Variants in IGF1R observed in about 807,000 individuals in gnomAD.
The protein encoded by IGF1R is insulin like growth factor 1 receptor.
IGF1R carries 44 observed loss-of-function variants against 144.6 expected under a neutral mutation model. That is an observed-to-expected ratio of 0.30 (90% confidence interval 0.24 to 0.39). The LOEUF (loss-of-function observed/expected upper bound fraction) is 0.39, where lower values mean the gene tolerates loss of function less well. Among genes scored for constraint, IGF1R ranks in the 10% least tolerant of loss-of-function variants. The pLI is 1.00. For synonymous variants in IGF1R, 795 were observed against 722.8 expected (o/e 1.10, Z -1.60); for missense variants, 1,355 against 1,833.7 (o/e 0.74, Z 4.77).
intron 1 of IGF1R, among the ~76,000 whole-genome samples, chr15:98,680,885 T>C (rs1272997162): frequency 6.8e-6 from 1 of 146,000 alleles, no homozygotes; most frequent in African/African-American, 2.5e-5. Context: ...TTTTTATCCT[T>C]CTTACTATAT....
In IGF1R at chr15:98,847,789, T is replaced by C. The variant is rs570657452; in HGVS notation, c.641-43536T>C. On this transcript the variant is annotated intron_variant, in intron 2 of 20. Transcript: ENST00000650285. ...CATTTTCATTGCTATTTGAGTTTTTTAGGAGACATACTGAGATGAAGTTAG... is the reference window on the plus strand; with the variant it reads ...CATTTTCATTGCTATTTGAGTTTTTCAGGAGACATACTGAGATGAAGTTAG... Among the ~76,000 whole-genome samples the C allele has an allele frequency of 7.9e-5, 12 of 152,342 alleles. No homozygotes were observed. In the South Asian group the frequency reaches 1.9e-3, roughly 24 times the overall value.
chr15:98,710,044 A>G (rs1489576675), intron 2 of IGF1R, among the ~76,000 whole-genome samples: 3 of 152,174 alleles, frequency 2.0e-5, no homozygotes, highest in African/African-American at 7.2e-5. Flanking sequence ...CATATGTGGA[A>G]TGGGGTAAAG....
chr15:98,924,734 G>A lies in IGF1R; in HGVS notation c.2782+50G>A, dbSNP rs775547260. 14 of 1,550,258 alleles carry A rather than the reference G, an allele frequency of 9.0e-6. No individual in the cohort carries two copies. In the East Asian group the frequency reaches 1.8e-4, roughly 20 times the overall value. ...ACGTGGTAAAACTGAAAGCAGGGTG[G>A]TCCAGGATCAGGACAGCCCGAGTGT... is the stretch of plus-strand genomic sequence containing the variant. On this transcript the variant is annotated intron_variant, in intron 13 of 20. Transcript: ENST00000650285.
At chr15:98,703,929 A>G (rs1197409809) in intron 1 of IGF1R, among the ~76,000 whole-genome samples, 1 of 152,226 alleles carries the variant, frequency 6.6e-6, no homozygotes, top group African/African-American at 2.4e-5. Flanking sequence ...TCCAAAATCC[A>G]GAATGCTTCA....
Position 98,934,806 on chromosome 15 carries a change from T to C in IGF1R, c.2957-18T>C. ...GGGCTTGTTTCTGTACCTGCTTTAATTACGGTTTCTTCTCCAGTGTACGTT... is the reference window on the plus strand; with the variant it reads ...GGGCTTGTTTCTGTACCTGCTTTAACTACGGTTTCTTCTCCAGTGTACGTT... On this transcript the variant is annotated intron_variant, in intron 15 of 20. Coordinates refer to ENST00000650285, the MANE Select transcript of IGF1R (RefSeq NM_000875.5). 6.2e-7 allele frequency: 1 copy of C among 1,608,192 alleles called. No individual in the cohort carries two copies.
At chr15:98,923,143 G>A (rs903214196) in intron 11 of IGF1R, among the ~76,000 whole-genome samples, 12 of 152,238 alleles carry the variant, frequency 7.9e-5, no homozygotes, top group Non-Finnish European at 5.9e-5. Flanking sequence ...GAGAGACATA[G>A]CCAGCTAACC....
chr15:98,902,133 G>T (rs767473038), intron 5 of IGF1R, among the ~76,000 whole-genome samples: 1 of 152,018 alleles, frequency 6.6e-6, no homozygotes, highest in Non-Finnish European at 1.5e-5. Context: ...TGGGGGCAGG[G>T]GTGGAGTTGA....
At chr15:98,700,293 G>A (rs189547447) in intron 1 of IGF1R, among the ~76,000 whole-genome samples, 5 of 152,038 alleles carry the variant, frequency 3.3e-5, no homozygotes, top group African/African-American at 9.7e-5. Context: ...GCTTTGTTTC[G>A]TAGTTTCTTC....
At chr15:98,795,403 T>TTTTGTTTTGTTTTGTTTTGTTTTG in intron 2 of IGF1R, among the ~76,000 whole-genome samples, 1 of 151,480 alleles carries the variant, frequency 6.6e-6, no homozygotes, top group African/African-American at 2.4e-5. Context: ...TCTTTCTTGT[T>TTTTGTTTTGTTTTGTTTTGTTTTG]TTTTGTTTTG....
chr15:98,916,200 C>A, intron 9 of IGF1R, 69 bp downstream of exon 9: 1 of 1,455,748 alleles, frequency 6.9e-7, no homozygotes, highest in Non-Finnish European at 9.6e-7. Flanking sequence ...TGTGCCTGAG[C>A]CCTAATATTA....
At chr15:98,649,991 G>A (rs1486463269) in intron 1 of IGF1R, among the ~76,000 whole-genome samples, 1 of 151,880 alleles carries the variant, frequency 6.6e-6, no homozygotes, top group African/African-American at 2.4e-5. Flanking sequence ...TTGGTGCCGG[G>A]GCGGGCTCCG....
chr15:98,790,448 T>C (rs2056103570), intron 2 of IGF1R, among the ~76,000 whole-genome samples: 3 of 152,140 alleles, frequency 2.0e-5, no homozygotes, highest in Admixed American at 1.3e-4. Flanking sequence ...GGGAAGCTTA[T>C]CTCAAATGCA....
intron 2 of IGF1R, among the ~76,000 whole-genome samples, chr15:98,841,797 TG>T (rs1460558707): frequency 6.6e-6 from 1 of 152,208 alleles, no homozygotes; most frequent in Non-Finnish European, 1.5e-5. Context: ...GGAGGAGCTG[TG>T]GGTTGCTTTT....
chr15:98,784,900 A>G (rs916651600), intron 2 of IGF1R, among the ~76,000 whole-genome samples: 6 of 152,182 alleles, frequency 3.9e-5, no homozygotes, highest in African/African-American at 1.4e-4. Context: ...AGGATTTTGT[A>G]TCCGTGGGAG....
At chr15:98,723,844 TC>T (rs1251090527) in intron 2 of IGF1R, among the ~76,000 whole-genome samples, 1 of 152,200 alleles carries the variant, frequency 6.6e-6, no homozygotes, top group Non-Finnish European at 1.5e-5. Context: ...AAATGCATGT[TC>T]TTAACATTTT....
In IGF1R at chr15:98,743,180, G is replaced by A. The variant is rs542002069; in HGVS notation, c.640+35073G>A. On this transcript the variant is annotated intron_variant, in intron 2 of 20. Transcript: ENST00000650285. ...ACAAATTAGATGGATTTAAACATACGGGAAGTAAGACGGAAATTCATTACT... is the reference window on the plus strand; with the variant it reads ...ACAAATTAGATGGATTTAAACATACAGGAAGTAAGACGGAAATTCATTACT... Among the ~76,000 whole-genome samples the A allele has an allele frequency of 1.2e-3, 182 of 152,200 alleles. 1 individual carries two copies. Among genetic ancestry groups the A allele is most frequent in the Admixed American group, 4.4e-3 (67 of 15,294 alleles).
chr15:98,730,322 T>C (rs1439923597), intron 2 of IGF1R, among the ~76,000 whole-genome samples: 2 of 152,206 alleles, frequency 1.3e-5, no homozygotes, highest in Admixed American at 6.5e-5. Context: ...AATAAGTGTT[T>C]TGAAATCACT....
chr15:98,922,263 A>G lies in IGF1R; in HGVS notation c.2317A>G (p.Thr773Ala). The change falls in exon 11 of 21, where the codon ACA becomes GCA. Residue 773 changes from threonine to alanine, a missense_variant. By Grantham distance (58) the Thr-to-Ala change is moderately conservative (BLOSUM62 0). Around this residue, in one of 7 missense-constraint regions of IGF1R, gnomAD observed 880 missense variants for 1,202.7 expected, o/e 0.73. Transcript: ENST00000650285. ...CATCACCGACCCGGAAGAGCTGGAG[A>G]CAGAGTACCCTTTCTTTGAGAGCAG... is the stretch of plus-strand genomic sequence containing the variant. ...YNITDPEELE[T>A]EYPFFESRVD... is the part of the protein sequence containing the mutation. 1 of 1,614,184 alleles carries G rather than the reference A, an allele frequency of 6.2e-7. No homozygotes were observed. Among genetic ancestry groups the G allele is most frequent in the Non-Finnish European group, 8.5e-7 (1 of 1,180,034 alleles).
At position 98,704,137 on chromosome 15, in the gene IGF1R, C is replaced by G. The variant is rs2141253032; in HGVS notation, c.95-3425C>G. Among the ~76,000 whole-genome samples the G allele has an allele frequency of 6.6e-6, 1 of 152,264 alleles. No homozygotes were observed. The highest frequency in any genetic ancestry group is 2.4e-5 in the African/African-American group (1 of 41,544). Reference sequence around the variant, plus strand: ...CACATGCCCAGATTCCCTCAGACACCTCCACAAAGGGTAATAAAATGGTTC... The same window carrying G: ...CACATGCCCAGATTCCCTCAGACACGTCCACAAAGGGTAATAAAATGGTTC... On this transcript the variant is annotated intron_variant, in intron 1 of 20. Coordinates refer to ENST00000650285, the MANE Select transcript of IGF1R (RefSeq NM_000875.5). The surrounding 1 kb of genome is among the most constrained non-coding windows in gnomAD (Gnocchi z 4.9).
Sources: gnomAD v4.1 joint callset for allele counts (sites outside exome capture counted in the v4.1 genomes callset) on GRCh38, gnomAD v4.1.1 for gene constraint, gnomAD v4.1.1 regional missense constraint, Gnocchi (gnomAD v3.1) non-coding constraint, MANE v1.5 for transcripts, NCBI Gene and HGNC (gene_info 2026-07-23, HGNC 2026-07-21) for gene names.